FAIM: variants seen among roughly 807,000 people sequenced by gnomAD.
FAIM encodes the protein fas apoptotic inhibitory molecule 1.
A neutral mutation model predicts 21.2 loss-of-function variants in FAIM; 14 were observed. The ratio of observed to expected loss-of-function variants is 0.66; its 90% CI spans 0.44 to 1.03. FAIM has a LOEUF of 1.03. FAIM is among the 50% of genes least tolerant of loss of function. FAIM has a pLI of 0.00. For missense variants in FAIM, 222 were observed against 247.1 expected, an observed-to-expected ratio of 0.90 and a Z score of 0.68; for synonymous variants, 86 against 80.4, an observed-to-expected ratio of 1.07 and a Z score of -0.37.
chr3:138,633,015 G>C lies in FAIM; in HGVS notation c.542G>C (p.Arg181Pro). ...CYIKAVSSGK[R>P]KEGIIHTLIV... ...ATAAAGGCTGTCAGTAGTGGGAAGCGGAAAGAAGGGATTATTCATACTCTC... is the reference window on the plus strand; with the variant it reads ...ATAAAGGCTGTCAGTAGTGGGAAGCCGAAAGAAGGGATTATTCATACTCTC... The change falls in exon 6 of 6, where the codon CGG becomes CCG. Residue 181 changes from arginine (R) to proline (P), a missense_variant. Transcript: ENST00000360570. The C allele has an allele frequency of 1.2e-6, 2 of 1,613,646 alleles. No individual in the cohort carries two copies. Among genetic ancestry groups the C allele is most frequent in the Non-Finnish European group, 1.7e-6 (2 of 1,179,828 alleles).
chr3:138,631,312 G>A (rs1489614090), intron 5 of FAIM, among the ~76,000 whole-genome samples: 1 of 151,980 alleles, frequency 6.6e-6, no homozygotes, highest in East Asian at 1.9e-4. Flanking sequence ...CTGCTCAGGA[G>A]GCTGAGGCAG....
intron 1 of FAIM, among the ~76,000 whole-genome samples, chr3:138,614,536 G>A (rs1204296894): frequency 6.6e-6 from 1 of 152,212 alleles, no homozygotes; most frequent in Non-Finnish European, 1.5e-5. Flanking sequence ...TGGAAAAACT[G>A]AAGCCTGGAC....
intron 1 of FAIM, among the ~76,000 whole-genome samples, chr3:138,614,422 T>C (rs1464035135): frequency 6.6e-6 from 1 of 151,164 alleles, no homozygotes; most frequent in Non-Finnish European, 1.5e-5. Flanking sequence ...CCTGGATGAC[T>C]AGAGTGAGAC....
intron 1 of FAIM, chr3:138,610,777 T>A (rs978900775): frequency 3.9e-5 from 21 of 541,254 alleles, no homozygotes; most frequent in African/African-American, 3.6e-4. Context: ...AAGACAGGAT[T>A]TCACCGTTTT....
chr3:138,629,063 A>G (rs373236340), intron 4 of FAIM, 44 bp from the exon 5 acceptor site: 6 of 1,438,824 alleles, frequency 4.2e-6, no homozygotes, highest in Non-Finnish European at 5.8e-6. Flanking sequence ...CTTTATCTTT[A>G]AATCACAGAA....
intron 1 of FAIM, among the ~76,000 whole-genome samples, chr3:138,615,724 TGTCA>T (rs1279564821): frequency 1.3e-5 from 2 of 152,228 alleles, no homozygotes; most frequent in South Asian, 2.1e-4. Context: ...AAAAAACAGA[TGTCA>T]GTCTGTTAAC....
rs572702985 is a variant in FAIM, at chr3:138,621,794, T to G, written c.177+255T>G. Among the ~76,000 whole-genome samples, 195 of 152,290 alleles carry G rather than the reference T, an allele frequency of 1.3e-3. 1 individual carries two copies. The highest frequency in any genetic ancestry group is 1.7e-3 in the Non-Finnish European group (116 of 68,020). The stretch of plus-strand genomic sequence containing the variant: ...ATAAAATTACATCTTTTTTTTTTCT[T>G]TTTTTTGAGACGGAGTCTCGCTGTG... On this transcript the variant is annotated intron_variant, in intron 3 of 5. Transcript: ENST00000360570.
chr3:138,620,054 T>A (rs2042867786), intron 2 of FAIM, among the ~76,000 whole-genome samples: 1 of 152,222 alleles, frequency 6.6e-6, no homozygotes, highest in Non-Finnish European at 1.5e-5. Context: ...AAAATCCATT[T>A]ACCATCTTCA....
In FAIM at chr3:138,609,533, A is replaced by ACACTCTCTCTCTCTCTCTCTCTCT. The variant is rs1285258999; in HGVS notation, c.-17+597_-17+598insACTCTCTCTCTCTCTCTCTCTCTC. On this transcript the variant is annotated intron_variant, in intron 1 of 5. Transcript: ENST00000360570. ...AGAACCTGCATCATAAAGTGCTGAA[A>ACACTCTCTCTCTCTCTCTCTCTCT]CTCTCTCTCTCTCTCTCTCTCTCTC... 5.9e-4 allele frequency among the ~76,000 whole-genome samples: 2 copies of ACACTCTCTCTCTCTCTCTCTCTCT among 3,368 alleles called. 1 individual carries two copies. The highest frequency in any genetic ancestry group is 1.9e-3 in the African/African-American group (2 of 1,070). The allele number at this position is 3,368 out of a possible 152,430, so 2.2% of individuals were successfully genotyped here. A position where few individuals can be genotyped will look rare whatever the true frequency, so the allele number is the denominator to read the frequency against.
chr3:138,629,424 T>TAA (rs896856822), intron 5 of FAIM: 3 of 287,352 alleles, frequency 1.0e-5, no homozygotes, highest in African/African-American at 6.8e-5. Flanking sequence ...GCATAGCAAG[T>TAA]AAAATACCTA....
At chr3:138,614,611 G>A (rs1471504192) in intron 1 of FAIM, among the ~76,000 whole-genome samples, 1 of 152,106 alleles carries the variant, frequency 6.6e-6, no homozygotes, top group Non-Finnish European at 1.5e-5. Context: ...ATAGAGCATA[G>A]CTGCTGCAAA....
At chr3:138,609,533 ACTCTCTCTCTCTCTCT>A (rs1286573079) in intron 1 of FAIM, among the ~76,000 whole-genome samples, 2 of 3,366 alleles carry the variant, frequency 5.9e-4, no homozygotes, top group Non-Finnish European at 6.2e-4. Context: ...AAGTGCTGAA[ACTCTCTCTCTCTCTCT>A]CTCTCTCTCT....
intron 1 of FAIM, among the ~76,000 whole-genome samples, chr3:138,618,793 ATT>A (rs2042855018): frequency 6.6e-6 from 1 of 152,248 alleles, no homozygotes; most frequent in African/African-American, 2.4e-5. Flanking sequence ...ACAGGCACTA[ATT>A]AAGGAAAGGG....
In FAIM at chr3:138,622,120, C is replaced by T. The variant is rs538783491; in HGVS notation, c.178-68C>T. ...AATGGCATTGCCTTTGTTCACTTTA[C>T]GTTATTTCTAAAATTAGATATCAAT... On this transcript the variant is annotated intron_variant, in intron 3 of 5. Transcript: ENST00000360570. 114 of 1,279,240 alleles carry T rather than the reference C, an allele frequency of 8.9e-5. No individual in the cohort carries two copies. In the Admixed American group the frequency reaches 9.2e-4, roughly 10 times the overall value. 79.2% of individuals were successfully genotyped at this position (1,279,240 alleles called of 1,614,324 possible). A position where few individuals can be genotyped will look rare whatever the true frequency, so the allele number is the denominator to read the frequency against.
rs772219171 is a variant in FAIM at position 138,622,328 on chromosome 3, A to T, written c.318A>T (p.Lys106Asn). ...AYEYTLEING[K>N]SLKKYMEDRS... ...AATATACTCTGGAAATTAATGGGAA[A>T]AGTCTCAAGAAGTATATGGAGGACA... The change falls in exon 4 of 6, where the codon AAA (lysine) becomes AAT (asparagine). Residue 106 changes from lysine (K) to asparagine (N), a missense_variant. Lys to Asn is a moderately conservative substitution (Grantham distance 94). Transcript: ENST00000360570. 6 of 1,613,884 alleles carry T rather than the reference A, an allele frequency of 3.7e-6. No homozygotes were observed. In the South Asian group the frequency reaches 5.5e-5, roughly 15 times the overall value.
At chr3:138,630,150 C>T (rs1464025916) in intron 5 of FAIM, 1 of 152,094 alleles carries the variant, frequency 6.6e-6, no homozygotes, top group Non-Finnish European at 1.5e-5. Context: ...TCACATTTTG[C>T]ATGTTGTAGT....
chr3:138,617,470 A>C (rs2042837004), intron 1 of FAIM, among the ~76,000 whole-genome samples: 1 of 147,066 alleles, frequency 6.8e-6, no homozygotes, highest in Non-Finnish European at 1.5e-5. Context: ...TATGTACTCC[A>C]GACTGGGCAA....
chr3:138,625,284 G>C (rs957845974), intron 4 of FAIM, among the ~76,000 whole-genome samples: 3 of 152,014 alleles, frequency 2.0e-5, no homozygotes, highest in African/African-American at 7.2e-5. Flanking sequence ...CCAACATGGT[G>C]AAACCCCATC....
intron 1 of FAIM, among the ~76,000 whole-genome samples, chr3:138,611,909 AC>A (rs1292036648): frequency 1.3e-5 from 2 of 152,012 alleles, no homozygotes; most frequent in Non-Finnish European, 2.9e-5. Context: ...AGCTAAATAA[AC>A]CTTTTTTCTT....
Sources: gnomAD v4.1 joint callset for allele counts (sites outside exome capture counted in the v4.1 genomes callset) on GRCh38, gnomAD v4.1.1 for gene constraint, MANE v1.5 for transcripts, NCBI Gene and HGNC (gene_info 2026-07-23, HGNC 2026-07-21) for gene names.